Variants in TP73 observed in about 807,000 individuals in gnomAD.
TP73 encodes the protein tumor protein p73.
A neutral mutation model predicts 62.5 loss-of-function variants in TP73; 25 were observed. The observed-to-expected ratio is 0.40, with a 90% CI of 0.29 to 0.56. The LOEUF is 0.56. Among genes scored for constraint, TP73 ranks in the 20% least tolerant of loss-of-function variants. TP73 has a pLI of 0.46. For missense variants in TP73, 754 were observed against 913.3 expected (o/e 0.83, Z 2.25); for synonymous variants, 423 against 377.5 (o/e 1.12, Z -1.40).
intron 1 of TP73, among the ~76,000 whole-genome samples, chr1:3,659,692 T>C (rs935530082): frequency 1.3e-5 from 2 of 152,108 alleles, no homozygotes; most frequent in African/African-American, 4.8e-5. Flanking sequence ...TTATTATTAT[T>C]ATTTTTGAGA....
At chr1:3,664,348 G>T (rs558686866) in intron 1 of TP73, among the ~76,000 whole-genome samples, 1 of 152,206 alleles carries the variant, frequency 6.6e-6, no homozygotes, top group Non-Finnish European at 1.5e-5. Context: ...GAGGGGTGGG[G>T]GCTCTAATTG....
intron 3 of TP73, among the ~76,000 whole-genome samples, chr1:3,693,221 C>G (rs555611238): frequency 1.3e-5 from 2 of 152,308 alleles, no homozygotes; most frequent in South Asian, 2.1e-4. Flanking sequence ...TATTCATGAC[C>G]TCATCTTACT....
At chr1:3,661,427 G>GGCC (rs1247351345) in intron 1 of TP73, among the ~76,000 whole-genome samples, 1 of 152,118 alleles carries the variant, frequency 6.6e-6, no homozygotes, top group African/African-American at 2.4e-5. Context: ...TCTTAGATCT[G>GGCC]GCCAGGCATG....
intron 3 of TP73, chr1:3,690,583 C>G: frequency 3.2e-6 from 4 of 1,236,126 alleles, no homozygotes; most frequent in Non-Finnish European, 3.1e-6. Flanking sequence ...TTGGTGCGGT[C>G]CAACACATCA....
At chr1:3,667,611 G>C (rs1013864010) in intron 1 of TP73, among the ~76,000 whole-genome samples, 1 of 152,014 alleles carries the variant, frequency 6.6e-6, no homozygotes, top group Non-Finnish European at 1.5e-5. Flanking sequence ...TTAGCCAGGC[G>C]TGGTGGCACG....
chr1:3,705,089 G>A (rs1639515994), intron 3 of TP73, among the ~76,000 whole-genome samples: 1 of 152,176 alleles, frequency 6.6e-6, no homozygotes, highest in Non-Finnish European at 1.5e-5. Flanking sequence ...CAGGCTGGAG[G>A]GCAGTGGCGT....
At chr1:3,732,704 C>G (rs1006562463) in intron 13 of TP73, 43 bp from the exon 14 acceptor site, 1 of 1,522,634 alleles carries the variant, frequency 6.6e-7, no homozygotes, top group South Asian at 1.3e-5. Flanking sequence ...CCTGCTCTCC[C>G]TGCTCCACTG....
At chr1:3,658,260 G>A (rs1644908946) in intron 1 of TP73, among the ~76,000 whole-genome samples, 1 of 152,244 alleles carries the variant, frequency 6.6e-6, no homozygotes. Flanking sequence ...CAAAGAGCAA[G>A]CTGTGGAGAG....
intron 3 of TP73, among the ~76,000 whole-genome samples, chr1:3,694,804 CT>C (rs1638462861): frequency 7.1e-6 from 1 of 141,494 alleles, no homozygotes; most frequent in African/African-American, 2.8e-5. Flanking sequence ...GCCTCAGACC[CT>C]TCCTCCCACA....
intron 6 of TP73, among the ~76,000 whole-genome samples, chr1:3,726,858 GTGGATGGA>G (rs144546084): frequency 0.043 from 6,281 of 144,480 alleles, 250 homozygotes; most frequent in East Asian, 0.23. Flanking sequence ...GATGGGGTTG[GTGGATGGA>G]TGGATGGATG....
At chr1:3,681,372 C>G (rs1645516396) in intron 1 of TP73, among the ~76,000 whole-genome samples, 2 of 152,174 alleles carry the variant, frequency 1.3e-5, no homozygotes, top group Admixed American at 6.5e-5. Flanking sequence ...GCTCGGGTTT[C>G]CCTGTCCCCT....
At chr1:3,691,800 G>A (rs771092755) in intron 3 of TP73, among the ~76,000 whole-genome samples, 1 of 152,220 alleles carries the variant, frequency 6.6e-6, no homozygotes, top group African/African-American at 2.4e-5. Context: ...AGGGGGCAGC[G>A]GGCAGATAGG....
intron 3 of TP73, among the ~76,000 whole-genome samples, chr1:3,698,789 G>A (rs150562270): frequency 7.9e-5 from 12 of 152,342 alleles, no homozygotes; most frequent in Admixed American, 2.6e-4. Context: ...TCACCTGGGC[G>A]TGTGGAGGGA....
At chr1:3,682,535 C>G in intron 2 of TP73, 105 bp downstream of exon 2, 1 of 1,153,842 alleles carries the variant, frequency 8.7e-7, no homozygotes, top group Non-Finnish European at 1.2e-6. Flanking sequence ...GGAGGGGTGG[C>G]CCCGGGAGGA....
At chr1:3,693,269 C>T (rs1482401054) in intron 3 of TP73, among the ~76,000 whole-genome samples, 1 of 152,156 alleles carries the variant, frequency 6.6e-6, no homozygotes, top group Non-Finnish European at 1.5e-5. Context: ...GGTATTTGGC[C>T]CAAAGGGTTT....
Position 3,707,747 on chromosome 1 carries a change from G to C in TP73, c.385G>C (p.Val129Leu). ...CTACCCCGGACCCCACCACTTTGAG[G>C]TCACTTTCCAGCAGTCCAGCACGGC... ...TDYPGPHHFE[V>L]TFQQSSTAKS... Residue 129 changes from valine (V) to leucine (L), a missense_variant, in exon 4 of 14, where the codon GTC becomes CTC. Physicochemically the swap from Val to Leu is conservative, Grantham distance 32. This residue lies in a region of TP73 where 235 missense variants were observed against 251.4 expected (regional missense o/e 0.93). Coordinates refer to ENST00000378295, the MANE Select transcript of TP73 (RefSeq NM_005427.4). 2 of 1,613,182 alleles carry C rather than the reference G, an allele frequency of 1.2e-6. No homozygotes were observed. The highest frequency in any genetic ancestry group is 1.7e-6 in the Non-Finnish European group (2 of 1,179,946).
chr1:3,732,197 T>A (rs1425699984), intron 13 of TP73, among the ~76,000 whole-genome samples: 1 of 152,126 alleles, frequency 6.6e-6, no homozygotes, highest in Non-Finnish European at 1.5e-5. Flanking sequence ...TCCCAGACCA[T>A]CCCCAGCCTG....
chr1:3,717,872 TC>T (rs1397076712), intron 4 of TP73, among the ~76,000 whole-genome samples: 1 of 152,010 alleles, frequency 6.6e-6, no homozygotes, highest in Non-Finnish European at 1.5e-5. Context: ...GCACCTGGGG[TC>T]CAGTTAGTGC....
chr1:3,715,922 G>A (rs77084387), intron 4 of TP73, among the ~76,000 whole-genome samples: 126 of 152,206 alleles, frequency 8.3e-4, no homozygotes, highest in African/African-American at 2.9e-3. Context: ...GACGAGGATC[G>A]AGCAGGCTCC....
Sources: allele counts gnomAD v4.1 joint callset (sites outside exome capture counted in the v4.1 genomes callset), GRCh38; gene constraint gnomAD v4.1.1; regional missense constraint gnomAD v4.1.1; transcripts MANE v1.5; gene names NCBI Gene and HGNC (gene_info 2026-07-23, HGNC 2026-07-21).